RBFOX2: variants seen among roughly 807,000 people sequenced by gnomAD.
The protein encoded by RBFOX2 is RNA binding protein fox-1 homolog 2.
In RBFOX2, 10 loss-of-function variants were observed where a neutral mutation model predicts 49.1. The ratio of observed to expected loss-of-function variants is 0.20; its 90% confidence interval spans 0.13 to 0.35. RBFOX2 has a LOEUF of 0.35. Ranked by LOEUF, RBFOX2 falls within the 10% of genes least tolerant of loss-of-function variation. RBFOX2 has a pLI of 1.00. For missense variants in RBFOX2, 323 were observed against 486.9 expected, an observed-to-expected ratio of 0.66 and a Z score of 3.17; for synonymous variants, 183 against 187.4, an observed-to-expected ratio of 0.98 and a Z score of 0.19.
chr22:35,864,321 T>C (rs1359720574), intron 1 of RBFOX2, among the ~76,000 whole-genome samples: 1 of 152,196 alleles, frequency 6.6e-6, no homozygotes, highest in Non-Finnish European at 1.5e-5. Flanking sequence ...CCAGGGTTTT[T>C]TCCCCATGAC....
intron 1 of RBFOX2, among the ~76,000 whole-genome samples, chr22:36,007,554 C>T (rs2058664123): frequency 6.6e-6 from 1 of 152,074 alleles, no homozygotes; most frequent in South Asian, 2.1e-4. Context: ...GTAATACATG[C>T]ATGTAATACA....
chr22:35,990,559 A>G (rs1395966818), intron 1 of RBFOX2, among the ~76,000 whole-genome samples: 4 of 152,204 alleles, frequency 2.6e-5, no homozygotes, highest in African/African-American at 7.2e-5. Context: ...GAAATTAAGC[A>G]GTTCTAAATT....
intron 4 of RBFOX2, among the ~76,000 whole-genome samples, chr22:35,770,013 G>A (rs949701306): frequency 6.6e-6 from 1 of 152,124 alleles, no homozygotes; most frequent in African/African-American, 2.4e-5. Flanking sequence ...CTCTCCTAAA[G>A]AATGTGTAAG....
At chr22:35,826,582 C>T (rs1168856205) in intron 1 of RBFOX2, among the ~76,000 whole-genome samples, 1 of 151,852 alleles carries the variant, frequency 6.6e-6, no homozygotes, top group African/African-American at 2.4e-5. Context: ...GTAAACAAAC[C>T]TCCCCCCCTG....
intron 5 of RBFOX2, among the ~76,000 whole-genome samples, chr22:35,766,837 C>A (rs1941113720): frequency 1.3e-5 from 2 of 151,914 alleles, no homozygotes; most frequent in South Asian, 4.2e-4. Context: ...CAATCAGAAA[C>A]CACCAGTCAG....
chr22:35,983,820 A>G (rs2057576814), intron 1 of RBFOX2, among the ~76,000 whole-genome samples: 2 of 152,160 alleles, frequency 1.3e-5, no homozygotes, highest in Non-Finnish European at 2.9e-5. Context: ...ATGTTTTCTC[A>G]TTACATGTGA....
At chr22:35,840,047 A>G in intron 1 of RBFOX2, 2 of 1,140,166 alleles carry the variant, frequency 1.8e-6, no homozygotes, top group South Asian at 2.7e-5. Context: ...CAACAGACAC[A>G]GACTTTTCAG....
intron 1 of RBFOX2, among the ~76,000 whole-genome samples, chr22:35,988,124 AG>A (rs1438762832): frequency 1.3e-5 from 2 of 152,188 alleles, no homozygotes; most frequent in African/African-American, 4.8e-5. Flanking sequence ...AAAACCCTAA[AG>A]GGGGGCCACC....
At chr22:35,937,454 G>A (rs1280019207) in intron 1 of RBFOX2, among the ~76,000 whole-genome samples, 4 of 152,092 alleles carry the variant, frequency 2.6e-5, no homozygotes, top group Non-Finnish European at 5.9e-5. Context: ...CCTTATCTGG[G>A]GCCACTCTGA....
At chr22:35,936,304 C>T (rs925219591) in intron 1 of RBFOX2, among the ~76,000 whole-genome samples, 1 of 151,822 alleles carries the variant, frequency 6.6e-6, no homozygotes, top group Non-Finnish European at 1.5e-5. Context: ...CACCCCATTC[C>T]CCAGTTCCTC....
intron 1 of RBFOX2, chr22:35,898,334 G>A: frequency 2.8e-6 from 2 of 703,938 alleles, no homozygotes; most frequent in Non-Finnish European, 5.3e-6. Context: ...CACGGATGTG[G>A]CTATTGCAGT....
intron 1 of RBFOX2, among the ~76,000 whole-genome samples, chr22:36,013,646 C>T (rs150967663): frequency 6.8e-6 from 1 of 147,162 alleles, no homozygotes; most frequent in Non-Finnish European, 1.5e-5. Flanking sequence ...CACACACACA[C>T]ACAGAGAGAG....
intron 2 of RBFOX2, among the ~76,000 whole-genome samples, chr22:35,787,190 C>A (rs1602773567): frequency 6.6e-6 from 1 of 152,220 alleles, no homozygotes; most frequent in Non-Finnish European, 1.5e-5. Context: ...CAGGTGCGAG[C>A]CACTACACAT....
At chr22:35,999,618 T>C (rs1439354529) in intron 1 of RBFOX2, 2 of 152,076 alleles carry the variant, frequency 1.3e-5, no homozygotes, top group Non-Finnish European at 2.9e-5. Context: ...GGACTTCTCA[T>C]ATAAGAATTT....
chr22:35,926,809 AC>A (rs1219285395), intron 1 of RBFOX2, among the ~76,000 whole-genome samples: 2 of 152,046 alleles, frequency 1.3e-5, no homozygotes, highest in Non-Finnish European at 2.9e-5. Flanking sequence ...CAAAAACCAA[AC>A]CCATTACCAC....
intron 1 of RBFOX2, among the ~76,000 whole-genome samples, chr22:35,890,537 A>G (rs1046789240): frequency 1.3e-5 from 2 of 152,200 alleles, no homozygotes; most frequent in African/African-American, 4.8e-5. Flanking sequence ...CTAGAGATAC[A>G]GAAAGTGAAG....
upstream of RBFOX2, among the ~76,000 whole-genome samples, chr22:35,841,731 T>C (rs2040520680): frequency 6.6e-6 from 1 of 152,230 alleles, no homozygotes; most frequent in African/African-American, 2.4e-5. Flanking sequence ...TTAATTTTTA[T>C]CTATTTTTAT....
chr22:35,777,280 G>C (rs1022180696), intron 4 of RBFOX2, among the ~76,000 whole-genome samples: 1 of 152,140 alleles, frequency 6.6e-6, no homozygotes, highest in African/African-American at 2.4e-5. Context: ...CCAAAGTGCT[G>C]GGATTACAGG....
intron 1 of RBFOX2, among the ~76,000 whole-genome samples, chr22:36,007,314 C>T (rs2058655870): frequency 1.3e-5 from 2 of 151,368 alleles, no homozygotes; most frequent in South Asian, 4.2e-4. Flanking sequence ...ACTGGAATAT[C>T]CTACATAGAA....
Sources: allele counts gnomAD v4.1 joint callset (sites outside exome capture counted in the v4.1 genomes callset), GRCh38; gene constraint gnomAD v4.1.1; transcripts MANE v1.5; gene names NCBI Gene and HGNC (gene_info 2026-07-23, HGNC 2026-07-21).